MALRD1: variants seen among roughly 807,000 people sequenced by gnomAD.
The protein encoded by MALRD1 is MAM and LDL receptor class A domain containing 1, also known as MAM and LDL-receptor class A domain-containing protein 1.
In MALRD1, 247 loss-of-function variants were observed where a neutral mutation model predicts 242.1. The observed-to-expected ratio is 1.02, with a 90% CI of 0.92 to 1.13. MALRD1 has a LOEUF of 1.13. MALRD1 is among the 50% of genes most tolerant of loss of function. The pLI is 0.00. For synonymous variants in MALRD1, 995 were observed against 866.6 expected, an observed-to-expected ratio of 1.15 and a Z score of -2.60; for missense variants, 2,989 against 2,533.1, an observed-to-expected ratio of 1.18 and a Z score of -3.86.
At chr10:19,515,835 T>C (rs1390612261) in intron 31 of MALRD1, among the ~76,000 whole-genome samples, 1 of 152,184 alleles carries the variant, frequency 6.6e-6, no homozygotes, top group Non-Finnish European at 1.5e-5. Flanking sequence ...CCCAAAGAGC[T>C]CGGATTACAG....
At chr10:19,694,627 A>T (rs912271900) in intron 38 of MALRD1, among the ~76,000 whole-genome samples, 1 of 152,204 alleles carries the variant, frequency 6.6e-6, no homozygotes, top group African/African-American at 2.4e-5. Flanking sequence ...TGTTGGTGGG[A>T]CTGTAAACTA....
At chr10:19,230,012 G>A (rs188527655) in intron 18 of MALRD1, among the ~76,000 whole-genome samples, 48 of 152,200 alleles carry the variant, frequency 3.2e-4, no homozygotes, top group African/African-American at 1.1e-3. Flanking sequence ...TCTAGTGGTA[G>A]TGAATAAGTC....
At chr10:19,097,079 C>T (rs1389799840) in intron 4 of MALRD1, among the ~76,000 whole-genome samples, 1 of 152,182 alleles carries the variant, frequency 6.6e-6, no homozygotes, top group Non-Finnish European at 1.5e-5. Context: ...ATTTCTTTAG[C>T]ACTTACTATG....
At chr10:19,710,302 T>TAG (rs1834049330) in intron 38 of MALRD1, 1 of 149,544 alleles carries the variant, frequency 6.7e-6, no homozygotes, top group African/African-American at 2.5e-5. Context: ...TTTTTTTTTT[T>TAG]AGAGAAATGA....
intron 26 of MALRD1, among the ~76,000 whole-genome samples, chr10:19,356,559 G>T (rs1240624386): frequency 1.3e-5 from 2 of 152,110 alleles, no homozygotes; most frequent in South Asian, 2.1e-4. Context: ...GAGATATTTT[G>T]CATTCTTGTT....
intron 26 of MALRD1, among the ~76,000 whole-genome samples, chr10:19,377,278 G>A (rs1397454683): frequency 2.0e-5 from 3 of 151,816 alleles, no homozygotes; most frequent in African/African-American, 4.8e-5. Flanking sequence ...AAAAAGGAAA[G>A]GAATAATGCA....
At chr10:19,094,665 T>C (rs1205669112) in intron 4 of MALRD1, among the ~76,000 whole-genome samples, 5 of 152,206 alleles carry the variant, frequency 3.3e-5, no homozygotes, top group African/African-American at 4.8e-5. Flanking sequence ...ACTTTTCTCA[T>C]GCTTTTGAGA....
chr10:19,629,640 T>C (rs1839821332), intron 36 of MALRD1, among the ~76,000 whole-genome samples: 1 of 152,154 alleles, frequency 6.6e-6, no homozygotes, highest in Admixed American at 6.6e-5. Flanking sequence ...TTGCTGTGTG[T>C]GATGTGTGTG....
intron 27 of MALRD1, 109 bp downstream of exon 27, chr10:19,387,882 T>G: frequency 1.5e-6 from 2 of 1,339,340 alleles, no homozygotes; most frequent in Non-Finnish European, 2.0e-6. Context: ...CACGATGGTA[T>G]TGCAAGGCGA....
chr10:19,375,495 C>G (rs138827948), intron 26 of MALRD1, among the ~76,000 whole-genome samples: 1 of 151,922 alleles, frequency 6.6e-6, no homozygotes. Flanking sequence ...TGTTGATATA[C>G]CAAAATCACC....
intron 15 of MALRD1, 82 bp from the exon 16 acceptor site, chr10:19,204,226 A>C (rs1040952429): frequency 2.4e-6 from 2 of 842,600 alleles, no homozygotes; most frequent in Non-Finnish European, 3.7e-6. Context: ...GATCTTGCTC[A>C]GTGTAGGGTT....
At chr10:19,690,546 AT>A in intron 36 of MALRD1, among the ~76,000 whole-genome samples, 1 of 152,052 alleles carries the variant, frequency 6.6e-6, no homozygotes, top group Non-Finnish European at 1.5e-5. Flanking sequence ...TGTTATTTTT[AT>A]TTTTATAGGC....
chr10:19,609,102 T>C (rs1838770298), intron 35 of MALRD1, among the ~76,000 whole-genome samples: 1 of 152,066 alleles, frequency 6.6e-6, no homozygotes, highest in South Asian at 2.1e-4. Flanking sequence ...TGATATAATC[T>C]ACTTTTAAAA....
In MALRD1 at chr10:19,146,367, A is replaced by G. The variant is rs189646740; in HGVS notation, c.1558+23A>G. On this transcript the variant is annotated intron_variant, in intron 11 of 39. Coordinates refer to ENST00000454679, the MANE Select transcript of MALRD1 (RefSeq NM_001142308.3). ...ATGGTAGGACATTTTCCTCTTTAAA[A>G]AAAAATAGTTTTCTTTCTTGCATGT... 18 of 1,228,418 alleles carry G rather than the reference A, an allele frequency of 1.5e-5. No individual in the cohort carries two copies. In the East Asian group the frequency reaches 3.5e-4, roughly 24 times the overall value. The allele number at this position is 1,228,418 out of a possible 1,614,324, so 76.1% of individuals were successfully genotyped here. A position where few individuals can be genotyped will look rare whatever the true frequency, so the allele number is the denominator to read the frequency against.
intron 7 of MALRD1, among the ~76,000 whole-genome samples, chr10:19,125,370 TTTCTTTCTTTCCTTCC>T (rs1837245879): frequency 1.4e-4 from 17 of 117,684 alleles, no homozygotes; most frequent in Admixed American, 6.0e-4. Context: ...TCTTTCTTTC[TTTCTTTCTTTCCTTCC>T]TTCCTTCCTT....
At chr10:19,139,036 T>C (rs1391752597) in intron 10 of MALRD1, among the ~76,000 whole-genome samples, 1 of 152,176 alleles carries the variant, frequency 6.6e-6, no homozygotes, top group African/African-American at 2.4e-5. Context: ...GTTTGCATGA[T>C]TGAGATGGAC....
chr10:19,430,275 C>T (rs541666747), intron 28 of MALRD1, among the ~76,000 whole-genome samples: 33 of 151,406 alleles, frequency 2.2e-4, no homozygotes, highest in African/African-American at 6.8e-4. Flanking sequence ...CCACCATGCC[C>T]GGCTAATTTT....
intron 8 of MALRD1, among the ~76,000 whole-genome samples, chr10:19,129,909 T>TATCA (rs1278864982): frequency 2.0e-5 from 3 of 150,284 alleles, no homozygotes; most frequent in African/African-American, 7.3e-5. Flanking sequence ...GTCATATATA[T>TATCA]ATCACATATC....
At chr10:19,615,516 C>CAACAAAAAAAAAAAA (rs1839106148) in intron 35 of MALRD1, among the ~76,000 whole-genome samples, 1 of 37,244 alleles carries the variant, frequency 2.7e-5, no homozygotes, top group Non-Finnish European at 4.4e-5. Flanking sequence ...GACCCTGCCT[C>CAACAAAAAAAAAAAA]AAAAAAAAAA....
Sources: allele counts gnomAD v4.1 joint callset (sites outside exome capture counted in the v4.1 genomes callset), GRCh38; gene constraint gnomAD v4.1.1; transcripts MANE v1.5; gene names NCBI Gene and HGNC (gene_info 2026-07-23, HGNC 2026-07-21).